The following PTPRE variants were observed in gnomAD, a reference collection of about 807,000 sequenced individuals.
The protein encoded by PTPRE is receptor-type tyrosine-protein phosphatase epsilon.
Under a neutral mutation model 102.0 loss-of-function variants are expected in PTPRE, and 51 were observed. That is an observed-to-expected ratio of 0.50 (90% confidence interval 0.40 to 0.63). PTPRE has a LOEUF of 0.63. PTPRE is among the 30% of genes least tolerant of loss of function. The pLI is 0.00. For synonymous variants in PTPRE, 345 were observed against 348.2 expected (o/e 0.99, Z 0.10); for missense variants, 752 against 915.1 (o/e 0.82, Z 2.30).
chr10:128,055,184 G>A (rs528421281), intron 6 of PTPRE, among the ~76,000 whole-genome samples: 10 of 152,260 alleles, frequency 6.6e-5, no homozygotes, highest in South Asian at 2.1e-4. Context: ...GCCGCTGGTC[G>A]GGTGTAATGT....
At chr10:128,044,269 C>G (rs1479115133) in intron 3 of PTPRE, among the ~76,000 whole-genome samples, 2 of 152,210 alleles carry the variant, frequency 1.3e-5, no homozygotes, top group Non-Finnish European at 2.9e-5. Flanking sequence ...TCAGTATGGA[C>G]TTGCTCCGCC....
chr10:127,920,067 G>A (rs1269642110), intron 1 of PTPRE, among the ~76,000 whole-genome samples: 1 of 152,180 alleles, frequency 6.6e-6, no homozygotes, highest in Non-Finnish European at 1.5e-5. Context: ...AGGAAGTGTG[G>A]CCATGCTCTC....
Position 128,077,697 on chromosome 10 carries a change from C to T in PTPRE, c.1806C>T (p.Ala602=), listed in dbSNP as rs372667808. 1.1e-4 allele frequency: 173 copies of T among 1,613,776 alleles called. No homozygotes were observed. Among genetic ancestry groups the T allele is most frequent in the Admixed American group, 3.2e-4 (19 of 60,004 alleles). Residue 602 remains alanine, a synonymous_variant, in exon 19 of 21, where the codon GCC becomes GCT. Transcript: ENST00000254667. ...GCTGGCCTGAGATCGGGATTCCCGC[C>T]GAGGGCAAAGGCATGATTGACCTCA... is the stretch of plus-strand genomic sequence containing the variant. The part of the protein sequence containing the change: ...FHGWPEIGIP[A]EGKGMIDLIA...
intron 2 of PTPRE, among the ~76,000 whole-genome samples, chr10:127,985,662 A>C (rs1250483224): frequency 1.3e-5 from 2 of 152,242 alleles, no homozygotes; most frequent in Non-Finnish European, 2.9e-5. Context: ...TCGCAGAATC[A>C]TGGCAACTGT....
intron 1 of PTPRE, among the ~76,000 whole-genome samples, chr10:127,920,024 G>A (rs1407992832): frequency 1.3e-5 from 2 of 152,010 alleles, no homozygotes; most frequent in South Asian, 2.1e-4. Context: ...AGCCAGGCTC[G>A]GCGTGCTGTG....
chr10:127,917,856 C>A (rs1167412844), intron 1 of PTPRE, among the ~76,000 whole-genome samples: 1 of 151,912 alleles, frequency 6.6e-6, no homozygotes, highest in Non-Finnish European at 1.5e-5. Context: ...ATAGTGAAAC[C>A]CCATCTCTAC....
At chr10:127,998,128 C>A (rs1354958980) in intron 2 of PTPRE, 3 of 152,252 alleles carry the variant, frequency 2.0e-5, no homozygotes, top group African/African-American at 7.2e-5. Context: ...TAAAAGAGAT[C>A]TCAAATCCTG....
At position 128,039,028 on chromosome 10, in the gene PTPRE, G is replaced by T. The variant is rs559912633; in HGVS notation, c.-7-1847G>T. 3.3e-5 allele frequency among the ~76,000 whole-genome samples: 5 copies of T among 152,282 alleles called. No individual in the cohort carries two copies. In the East Asian group the frequency reaches 9.7e-4, roughly 29 times the overall value. On this transcript the variant is annotated intron_variant, in intron 2 of 20. Transcript: ENST00000254667. ...GATCACTGAGCATTTGGAGAGGAGGGTTATTAAATTAATGCATGAGATAAG... is the reference window on the plus strand; with the variant it reads ...GATCACTGAGCATTTGGAGAGGAGGTTTATTAAATTAATGCATGAGATAAG...
intron 5 of PTPRE, among the ~76,000 whole-genome samples, chr10:128,048,828 G>A (rs1227903328): frequency 6.6e-6 from 1 of 152,158 alleles, no homozygotes; most frequent in Non-Finnish European, 1.5e-5. Flanking sequence ...CTCTGCAGGT[G>A]GGGACAGGCC....
rs1003779832 is a variant in PTPRE at position 128,028,605 on chromosome 10, C to T, written c.-7-12270C>T. 2.6e-5 allele frequency among the ~76,000 whole-genome samples: 4 copies of T among 152,122 alleles called. No homozygotes were observed. Among genetic ancestry groups the T allele is most frequent in the Non-Finnish European group, 5.9e-5 (4 of 68,032 alleles). On this transcript the variant is annotated intron_variant, in intron 2 of 20. Coordinates refer to ENST00000254667, the MANE Select transcript of PTPRE (RefSeq NM_006504.6). This position sits in a 1 kb window ranked among gnomAD's most constrained non-coding sequence, Gnocchi z 4.5. ...GCTGGCCCTCAGCGCCCAGCAGAAG[C>T]GGCAGCCCCATCTGTCCCCGAGACC...
At chr10:127,987,286 G>A (rs1852171727) in intron 2 of PTPRE, 1 of 1,231,220 alleles carries the variant, frequency 8.1e-7, no homozygotes, top group Non-Finnish European at 1.0e-6. Context: ...GTTCACAGCA[G>A]ACCCAGTTCA....
In PTPRE at chr10:128,070,430, G is replaced by C. The variant is rs369301658; in HGVS notation, c.1273G>C (p.Gly425Arg). ...CACCACCACCCACTTCGACAAGATC[G>C]GGCTGGAGGAGGAGTTCAGGGTGAG... is the stretch of plus-strand genomic sequence containing the variant. ...HGTTTHFDKI[G>R]LEEEFRKLTN... The change falls in exon 14 of 21, where the codon GGG becomes CGG. Residue 425 changes from glycine (G) to arginine (R), a missense_variant. Around this residue, in one of 2 missense-constraint regions of PTPRE, gnomAD observed 636 missense variants for 824.4 expected, o/e 0.77. Coordinates refer to ENST00000254667, the MANE Select transcript of PTPRE (RefSeq NM_006504.6). This position sits in a 1 kb window ranked among gnomAD's most constrained non-coding sequence, Gnocchi z 4.8. The C allele has an allele frequency of 5.6e-6, 9 of 1,613,862 alleles. No individual in the cohort carries two copies. The highest frequency in any genetic ancestry group is 4.5e-5 in the East Asian group (2 of 44,880).
At chr10:128,011,397 T>C (rs890081769) in intron 2 of PTPRE, among the ~76,000 whole-genome samples, 1 of 152,238 alleles carries the variant, frequency 6.6e-6, no homozygotes, top group Admixed American at 6.5e-5. Context: ...GCAAGGATAC[T>C]GGTTGAGGTG....
chr10:127,993,685 T>C (rs1314521704), intron 2 of PTPRE, among the ~76,000 whole-genome samples: 2 of 152,190 alleles, frequency 1.3e-5, no homozygotes, highest in African/African-American at 4.8e-5. Context: ...GGCTGGCTAC[T>C]TAAAACCCGG....
In PTPRE at chr10:128,063,183, G is replaced by A; in HGVS notation, c.723+3G>A. Reference sequence around the variant, plus strand: ...CAAACTTGAAAGAAAGGAAAGAGGTGAGTTCCAGGCATCTGGCCCCGGTAT... The same window carrying A: ...CAAACTTGAAAGAAAGGAAAGAGGTAAGTTCCAGGCATCTGGCCCCGGTAT... On this transcript the variant is annotated splice_donor_region_variant and intron_variant, in intron 10 of 20. Transcript: ENST00000254667. The A allele has an allele frequency of 1.9e-6, 3 of 1,614,102 alleles. No individual in the cohort carries two copies. The highest frequency in any genetic ancestry group is 2.5e-6 in the Non-Finnish European group (3 of 1,179,990).
At position 128,084,255 on chromosome 10, in the gene PTPRE, T is replaced by C. The variant is rs1364142183; in HGVS notation, c.*1349T>C. 1 of 152,134 alleles carries C rather than the reference T, an allele frequency of 6.6e-6. No homozygotes were observed. The allele number at this position is 152,134 out of a possible 1,614,324, so 9.4% of individuals were successfully genotyped here. On this transcript the variant is annotated 3_prime_UTR_variant, in exon 21 of 21. Coordinates refer to ENST00000254667, the MANE Select transcript of PTPRE (RefSeq NM_006504.6). ...TGTGCACAATATAAACAAAAAGATA[T>C]CTGGCCTACCTTACTACTAAAAGCA... is the stretch of plus-strand genomic sequence containing the variant.
At chr10:127,916,128 G>A (rs1846190268) in intron 1 of PTPRE, among the ~76,000 whole-genome samples, 1 of 152,136 alleles carries the variant, frequency 6.6e-6, no homozygotes, top group Non-Finnish European at 1.5e-5. Context: ...AGACATGGAA[G>A]GGCCTCCCCA....
At chr10:127,988,103 G>T (rs58722244) in intron 2 of PTPRE, among the ~76,000 whole-genome samples, 27,433 of 152,120 alleles carry the variant, frequency 0.18, 2,734 homozygotes, top group East Asian at 0.37. Context: ...GTTACAGAGA[G>T]ATTTCTCAGA....
intron 1 of PTPRE, among the ~76,000 whole-genome samples, chr10:127,976,573 A>T (rs551020648): frequency 6.6e-6 from 1 of 152,334 alleles, no homozygotes; most frequent in Admixed American, 6.5e-5. Context: ...CGTCTGTCAT[A>T]GACTGGCAAA....
Sources: allele counts gnomAD v4.1 joint callset (sites outside exome capture counted in the v4.1 genomes callset), GRCh38; gene constraint gnomAD v4.1.1; regional missense constraint gnomAD v4.1.1; non-coding constraint Gnocchi (gnomAD v3.1); transcripts MANE v1.5; gene names NCBI Gene and HGNC (gene_info 2026-07-23, HGNC 2026-07-21).